The following TOLLIP variants were observed in gnomAD, a reference collection of about 807,000 sequenced individuals.
TOLLIP encodes toll-interacting protein.
In TOLLIP, 16 loss-of-function variants were observed where a neutral mutation model predicts 33.5. The ratio of observed to expected loss-of-function variants is 0.48; its 90% CI spans 0.32 to 0.72. The LOEUF is 0.72. Among genes scored for constraint, TOLLIP ranks in the 30% least tolerant of loss-of-function variants. TOLLIP has a pLI of 0.03. For missense variants in TOLLIP, 325 were observed against 396.6 expected (o/e 0.82, Z 1.53); for synonymous variants, 176 against 163.7 (o/e 1.07, Z -0.57).
intron 5 of TOLLIP, among the ~76,000 whole-genome samples, chr11:1,282,729 A>G (rs910117079): frequency 5.3e-5 from 8 of 152,086 alleles, no homozygotes; most frequent in African/African-American, 1.9e-4. Flanking sequence ...ACGGATACAT[A>G]TGTAACAAAC....
chr11:1,307,140 G>A (rs752481801), intron 1 of TOLLIP, among the ~76,000 whole-genome samples: 9 of 152,148 alleles, frequency 5.9e-5, no homozygotes, highest in East Asian at 1.9e-4. Flanking sequence ...AGTTGGTAGC[G>A]CTGGTTGATT....
chr11:1,309,156 G>A (rs1864514319), intron 1 of TOLLIP, among the ~76,000 whole-genome samples: 1 of 151,840 alleles, frequency 6.6e-6, no homozygotes, highest in East Asian at 1.9e-4. Flanking sequence ...GGGCACCATG[G>A]GGCACGGGGC....
intron 5 of TOLLIP, among the ~76,000 whole-genome samples, chr11:1,284,509 C>T (rs5743988): frequency 0.025 from 3,761 of 152,260 alleles, 67 homozygotes; most frequent in Non-Finnish European, 0.036. Flanking sequence ...CCACCGCGCC[C>T]GGCTAATTTG....
rs760209716 is a variant in TOLLIP at position 1,286,916 on chromosome 11, G to A, written c.520-824C>T. ...TCCTGAGTTCAAAACTGTCCACTGC[G>A]GATAAGTCACTGCACTGCTGTTGTC... On this transcript the variant is annotated intron_variant, in intron 4 of 5. Transcript: ENST00000317204. 5.8e-4 allele frequency among the ~76,000 whole-genome samples: 88 copies of A among 152,126 alleles called. 1 individual carries two copies. Among genetic ancestry groups the A allele is most frequent in the South Asian group, 3.7e-3 (18 of 4,818 alleles).
intron 1 of TOLLIP, among the ~76,000 whole-genome samples, chr11:1,301,763 G>A (rs1042417751): frequency 2.0e-5 from 3 of 152,188 alleles, no homozygotes; most frequent in Non-Finnish European, 4.4e-5. Flanking sequence ...ATGATTCAAC[G>A]TGACTTTCAG....
At chr11:1,297,645 T>C (rs2133920874) in intron 1 of TOLLIP, among the ~76,000 whole-genome samples, 1 of 152,380 alleles carries the variant, frequency 6.6e-6, no homozygotes, top group South Asian at 2.1e-4. Context: ...GAAGCCGTAC[T>C]GCGAGAACAA....
intron 1 of TOLLIP, among the ~76,000 whole-genome samples, chr11:1,308,777 CTG>C (rs1413606193): frequency 3.1e-5 from 4 of 129,966 alleles, no homozygotes; most frequent in African/African-American, 5.7e-5. Flanking sequence ...TGCCCTCACT[CTG>C]TGTAAATGAG....
intron 1 of TOLLIP, among the ~76,000 whole-genome samples, chr11:1,308,170 C>T (rs568947820): frequency 4.6e-5 from 7 of 152,364 alleles, no homozygotes; most frequent in Admixed American, 1.3e-4. Flanking sequence ...CCAAATCTCA[C>T]GCTGAATTAT....
intron 2 of TOLLIP, among the ~76,000 whole-genome samples, chr11:1,293,105 G>T (rs1037453325): frequency 2.0e-5 from 3 of 152,268 alleles, no homozygotes; most frequent in African/African-American, 2.4e-5. Flanking sequence ...CTGTGCTGAG[G>T]GTCAGGCCTG....
chr11:1,303,574 G>C lies in TOLLIP; in HGVS notation c.33+5892C>G, dbSNP rs1864345323. ...AAACAGGGCAAGGCCGGGTGGCAGG[G>C]GCACGCTGCACTTCCCACAGGGCAG... On this transcript the variant is annotated intron_variant, in intron 1 of 5. Coordinates refer to ENST00000317204, the MANE Select transcript of TOLLIP (RefSeq NM_019009.4). The surrounding 1 kb of genome is among the most constrained non-coding windows in gnomAD (Gnocchi z 4.2). Among the ~76,000 whole-genome samples the C allele has an allele frequency of 6.6e-6, 1 of 152,220 alleles. No individual in the cohort carries two copies.
At chr11:1,292,078 A>G (rs1249772258) in intron 2 of TOLLIP, 1 of 152,294 alleles carries the variant, frequency 6.6e-6, no homozygotes, top group Non-Finnish European at 1.5e-5. Flanking sequence ...TTGGGTGGCC[A>G]CAGCGTACTC....
chr11:1,283,060 G>T (rs557877206), intron 5 of TOLLIP, among the ~76,000 whole-genome samples: 2 of 152,234 alleles, frequency 1.3e-5, no homozygotes, highest in African/African-American at 4.8e-5. Context: ...TCCCACACAG[G>T]ACATATTTTA....
chr11:1,299,870 G>A (rs548447660), intron 1 of TOLLIP, among the ~76,000 whole-genome samples: 2 of 152,174 alleles, frequency 1.3e-5, no homozygotes, highest in Non-Finnish European at 2.9e-5. Flanking sequence ...ATCGCCACGC[G>A]GCCTCACCAG....
At chr11:1,283,111 G>T (rs1863559052) in intron 5 of TOLLIP, among the ~76,000 whole-genome samples, 1 of 152,316 alleles carries the variant, frequency 6.6e-6, no homozygotes, top group South Asian at 2.1e-4. Context: ...CGTGAGGGAC[G>T]AGCAAGTCAC....
At chr11:1,297,910 G>A (rs1864158524) in intron 1 of TOLLIP, among the ~76,000 whole-genome samples, 1 of 152,202 alleles carries the variant, frequency 6.6e-6, no homozygotes, top group Admixed American at 6.5e-5. Context: ...TTGGCACACA[G>A]GAAACACTGG....
rs575445589 is a variant in TOLLIP at position 1,283,600 on chromosome 11, A to G, written c.610+2402T>C. On this transcript the variant is annotated intron_variant, in intron 5 of 5. Coordinates refer to ENST00000317204, the MANE Select transcript of TOLLIP (RefSeq NM_019009.4). ...GGCTGTTCCAAAATTTACAATGTCTATCAAAAGAAAATTTCAAAGTTTGTC... is the reference window on the plus strand; with the variant it reads ...GGCTGTTCCAAAATTTACAATGTCTGTCAAAAGAAAATTTCAAAGTTTGTC... 16 of 454,666 alleles carry G rather than the reference A, an allele frequency of 3.5e-5. No homozygotes were observed. In the East Asian group the frequency reaches 1.0e-3, roughly 30 times the overall value. 28.2% of individuals were successfully genotyped at this position (454,666 alleles called of 1,614,324 possible). A position where few individuals can be genotyped will look rare whatever the true frequency, so the allele number is the denominator to read the frequency against.
chr11:1,305,225 G>A (rs1212091884), intron 1 of TOLLIP, among the ~76,000 whole-genome samples: 1 of 152,200 alleles, frequency 6.6e-6, no homozygotes, highest in Non-Finnish European at 1.5e-5. Context: ...AAAATCCAGC[G>A]CAAAGGTTCA....
rs1438307306 is a variant in TOLLIP, at chr11:1,276,684, T to C, written c.*355A>G. 11 of 1,379,430 alleles carry C rather than the reference T, an allele frequency of 8.0e-6. No individual in the cohort carries two copies. The highest frequency in any genetic ancestry group is 1.1e-5 in the Non-Finnish European group (11 of 1,046,988). 85.4% of individuals were successfully genotyped at this position (1,379,430 alleles called of 1,614,324 possible). A position where few individuals can be genotyped will look rare whatever the true frequency, so the allele number is the denominator to read the frequency against. On this transcript the variant is annotated 3_prime_UTR_variant, in exon 6 of 6. Coordinates refer to ENST00000317204, the MANE Select transcript of TOLLIP (RefSeq NM_019009.4). ...ACATCACATCACAAAATGCCATGAA[T>C]GGAATCGGAAGGCGCTCCACCACCT...
At chr11:1,279,767 C>T (rs939215648) in intron 5 of TOLLIP, among the ~76,000 whole-genome samples, 2 of 152,240 alleles carry the variant, frequency 1.3e-5, no homozygotes, top group Admixed American at 6.5e-5. Context: ...CAAAACTTGT[C>T]CCTTTTCCAT....
Sources: allele counts gnomAD v4.1 joint callset (sites outside exome capture counted in the v4.1 genomes callset), GRCh38; gene constraint gnomAD v4.1.1; non-coding constraint Gnocchi (gnomAD v3.1); transcripts MANE v1.5; gene names NCBI Gene and HGNC (gene_info 2026-07-23, HGNC 2026-07-21).